The following CYP46A1 variants were observed in gnomAD, a reference collection of about 807,000 sequenced individuals.
CYP46A1 encodes cholesterol 24-hydroxylase.
Under a neutral mutation model 63.3 loss-of-function variants are expected in CYP46A1, and 20 were observed. That is an observed-to-expected ratio of 0.32 (90% CI 0.22 to 0.46). The LOEUF is 0.46. Among genes scored for constraint, CYP46A1 ranks in the 20% least tolerant of loss-of-function variants. CYP46A1 has a pLI of 1.00. For missense variants in CYP46A1, 445 were observed against 670.8 expected (o/e 0.66, Z 3.72); for synonymous variants, 268 against 273.6 (o/e 0.98, Z 0.20).
intron 1 of CYP46A1, among the ~76,000 whole-genome samples, chr14:99,688,041 T>C (rs1399596922): frequency 1.3e-5 from 2 of 151,984 alleles, no homozygotes; most frequent in African/African-American, 2.4e-5. Context: ...GTGCCCTCTG[T>C]CTTCCTGAGA....
chr14:99,706,941 CTTCAATA>C (rs2056682128), intron 6 of CYP46A1, among the ~76,000 whole-genome samples, 156 bp downstream of exon 6: 1 of 152,198 alleles, frequency 6.6e-6, no homozygotes, highest in Admixed American at 6.5e-5. Flanking sequence ...ATTCTGTCTC[CTTCAATA>C]TTCAAAGCAA....
chr14:99,705,002 G>A (rs1237498410), intron 5 of CYP46A1, among the ~76,000 whole-genome samples: 1 of 152,196 alleles, frequency 6.6e-6, no homozygotes, highest in Non-Finnish European at 1.5e-5. Flanking sequence ...GTTATAGGTG[G>A]AGGTCAGCGA....
At chr14:99,726,292 A>G (rs748204886) in intron 14 of CYP46A1, 36 bp downstream of exon 14, 3 of 1,602,834 alleles carry the variant, frequency 1.9e-6, no homozygotes, top group Admixed American at 1.7e-5. Flanking sequence ...GCCCAGGAGT[A>G]GCTGCAGGGG....
intron 6 of CYP46A1, among the ~76,000 whole-genome samples, chr14:99,707,180 G>A (rs1458643933): frequency 6.6e-6 from 1 of 152,210 alleles, no homozygotes; most frequent in South Asian, 2.1e-4. Context: ...ACTTTATGTG[G>A]GGGCGGGGCA....
Position 99,684,346 on chromosome 14 carries a change from A to T in CYP46A1, c.-72A>T, listed in dbSNP as rs2056470105. ...AGGCGGCGCGCGGCGCTGACAGCTG[A>T]GTCGGCTCGCGGCCTCCCGGCCCCC... On this transcript the variant is annotated 5_prime_UTR_variant, in exon 1 of 15. Coordinates refer to ENST00000261835, the MANE Select transcript of CYP46A1 (RefSeq NM_006668.2). 5 of 933,676 alleles carry T rather than the reference A, an allele frequency of 5.4e-6. No individual in the cohort carries two copies. Among genetic ancestry groups the T allele is most frequent in the Non-Finnish European group, 5.5e-6 (4 of 722,398 alleles). 57.8% of individuals were successfully genotyped at this position (933,676 alleles called of 1,614,324 possible). A position where few individuals can be genotyped will look rare whatever the true frequency, so the allele number is the denominator to read the frequency against.
chr14:99,705,225 A>T (rs548182903), intron 5 of CYP46A1, among the ~76,000 whole-genome samples: 2 of 152,236 alleles, frequency 1.3e-5, no homozygotes, highest in South Asian at 4.1e-4. Flanking sequence ...TCTCTTTTTT[A>T]GAGACAGGGT....
At chr14:99,687,783 C>T (rs2056507311) in intron 1 of CYP46A1, among the ~76,000 whole-genome samples, 1 of 152,134 alleles carries the variant, frequency 6.6e-6, no homozygotes, top group Non-Finnish European at 1.5e-5. Flanking sequence ...GGGATTGCCT[C>T]TCCTCTCTCC....
chr14:99,708,386 A>G (rs2056699306), intron 7 of CYP46A1: 1 of 140,282 alleles, frequency 7.1e-6, no homozygotes, highest in Admixed American at 7.5e-5. Context: ...TGGCCCCCAC[A>G]TGCATCAGCC....
In CYP46A1 at chr14:99,715,846, C is replaced by A; in HGVS notation, c.730C>A (p.Arg244=). Residue 244 remains arginine (R), a synonymous_variant, in exon 8 of 15, where the codon CGG becomes AGG. Transcript: ENST00000261835. ...GAAGAGGAAGCAGCTCCGGGAGGTC[C>A]GGGAGAGCATTCGCTTCCTGCGCCA... ...PGKRKQLREV[R]ESIRFLRQVG... is the part of the protein sequence containing the mutation. The A allele has an allele frequency of 6.2e-7, 1 of 1,614,068 alleles. No individual in the cohort carries two copies.
intron 1 of CYP46A1, among the ~76,000 whole-genome samples, chr14:99,689,207 G>A (rs1351241353): frequency 6.6e-6 from 1 of 152,034 alleles, no homozygotes; most frequent in African/African-American, 2.4e-5. Flanking sequence ...AAACCTTACC[G>A]GTCCCAAGCC....
chr14:99,716,038 C>G (rs2056786843), intron 8 of CYP46A1, 78 bp downstream of exon 8: 17 of 1,608,272 alleles, frequency 1.1e-5, no homozygotes, highest in Non-Finnish European at 1.4e-5. Flanking sequence ...GCCACTGACT[C>G]TGTTTGGCTT....
At chr14:99,693,116 C>G (rs2056557751) in intron 3 of CYP46A1, 1 of 152,516 alleles carries the variant, frequency 6.6e-6, no homozygotes. Context: ...GCCTGGCACA[C>G]AGCAATTGCT....
chr14:99,706,602 T>C (rs193053422), intron 5 of CYP46A1, 45 bp from the exon 6 acceptor site: 13 of 1,607,474 alleles, frequency 8.1e-6, no homozygotes, highest in Middle Eastern at 1.9e-4. Context: ...CAGTCCACCA[T>C]ATTGGGCTGG....
At chr14:99,714,253 C>A (rs1430572315) in intron 7 of CYP46A1, among the ~76,000 whole-genome samples, 1 of 152,162 alleles carries the variant, frequency 6.6e-6, no homozygotes, top group African/African-American at 2.4e-5. Context: ...AGAAATGGAA[C>A]TCTTATGCAT....
intron 3 of CYP46A1, 144 bp from the exon 4 acceptor site, chr14:99,699,322 C>A: frequency 1.3e-6 from 1 of 778,336 alleles, no homozygotes; most frequent in Non-Finnish European, 2.3e-6. Flanking sequence ...AAGATAGGGA[C>A]GATTGTGTGG....
chr14:99,726,055 T>A, intron 13 of CYP46A1, 135 bp from the exon 14 acceptor site: 1 of 754,866 alleles, frequency 1.3e-6, no homozygotes, highest in Non-Finnish European at 2.3e-6. Flanking sequence ...CGGTTCATGC[T>A]TTGCATGCAA....
intron 9 of CYP46A1, 115 bp from the exon 10 acceptor site, chr14:99,717,939 G>A: frequency 1.3e-6 from 1 of 777,954 alleles, no homozygotes; most frequent in Non-Finnish European, 2.1e-6. Context: ...AGAGCCAGAT[G>A]CCTGGGGGCA....
At position 99,726,723 on chromosome 14, in the gene CYP46A1, G is replaced by C; in HGVS notation, c.1499G>C (p.Cys500Ser). 1 of 1,524,360 alleles carries C rather than the reference G, an allele frequency of 6.6e-7. No individual in the cohort carries two copies. The highest frequency in any genetic ancestry group is 8.8e-7 in the Non-Finnish European group (1 of 1,134,070). The allele number at this position is 1,524,360 out of a possible 1,614,324, so 94.4% of individuals were successfully genotyped here. ...GWQPAPPPPP[C>S] Reference sequence around the variant, plus strand: ...CAGCCCGCACCCCCACCACCCCCCTGCTGAGGGGGCCTCCAGGCAGGACGA... The same window carrying C: ...CAGCCCGCACCCCCACCACCCCCCTCCTGAGGGGGCCTCCAGGCAGGACGA... The change falls in exon 15 of 15, where the codon TGC (cysteine) becomes TCC (serine). Residue 500 changes from cysteine to serine, a missense_variant. By Grantham distance (112) the Cys-to-Ser change is moderately radical. This residue lies in a region of CYP46A1 where 85 missense variants were observed against 80.1 expected (regional missense o/e 1.06). Coordinates refer to ENST00000261835, the MANE Select transcript of CYP46A1 (RefSeq NM_006668.2).
intron 12 of CYP46A1, among the ~76,000 whole-genome samples, chr14:99,724,692 G>A (rs1380168254): frequency 6.6e-6 from 1 of 152,180 alleles, no homozygotes; most frequent in African/African-American, 2.4e-5. Flanking sequence ...GCACATCTTA[G>A]GTGCCCTAAA....
Sources: allele counts gnomAD v4.1 joint callset (sites outside exome capture counted in the v4.1 genomes callset), GRCh38; gene constraint gnomAD v4.1.1; regional missense constraint gnomAD v4.1.1; transcripts MANE v1.5; gene names NCBI Gene and HGNC (gene_info 2026-07-23, HGNC 2026-07-21).